The following BTNL8 variants were observed in gnomAD, a reference collection of about 807,000 sequenced individuals.
The protein encoded by BTNL8 is butyrophilin like 8.
In BTNL8, 22 loss-of-function variants were observed where a neutral mutation model predicts 36.1. The observed-to-expected ratio is 0.61, with a 90% confidence interval of 0.44 to 0.87. BTNL8 has a LOEUF of 0.87. BTNL8 is among the 40% of genes least tolerant of loss of function. BTNL8 has a pLI of 0.00. For synonymous variants in BTNL8, 203 were observed against 235.6 expected (o/e 0.86, Z 1.27); for missense variants, 526 against 616.9 (o/e 0.85, Z 1.56).
intron 1 of BTNL8, 109 bp downstream of exon 1, chr5:180,899,468 G>C (rs1206913692): frequency 1.6e-6 from 2 of 1,246,590 alleles, no homozygotes; most frequent in Non-Finnish European, 2.3e-6. Flanking sequence ...CATTCCTTTG[G>C]CTTCTCCTAG....
chr5:180,932,778 A>G (rs1038488309), intron 3 of BTNL8, among the ~76,000 whole-genome samples: 2 of 152,176 alleles, frequency 1.3e-5, no homozygotes, highest in African/African-American at 4.8e-5. Context: ...TTAAAAATAA[A>G]AGATCTACAA....
intron 3 of BTNL8, among the ~76,000 whole-genome samples, chr5:180,941,412 T>C (rs1245972255): frequency 2.0e-5 from 3 of 152,130 alleles, no homozygotes; most frequent in African/African-American, 7.2e-5. Context: ...TTACAAAAAG[T>C]TGAAGGGGTG....
chr5:180,931,441 A>G (rs1220892071), intron 3 of BTNL8, among the ~76,000 whole-genome samples: 1 of 152,234 alleles, frequency 6.6e-6, no homozygotes, highest in Non-Finnish European at 1.5e-5. Flanking sequence ...AGGGCAACAA[A>G]AGCCAAAATT....
chr5:180,899,514 A>G (rs1447998025), intron 1 of BTNL8, among the ~76,000 whole-genome samples, 155 bp downstream of exon 1: 1 of 152,226 alleles, frequency 6.6e-6, no homozygotes, highest in African/African-American at 2.4e-5. Context: ...CTGTGGAAAC[A>G]ATTATAGTAG....
At chr5:180,907,795 G>A (rs979891433) in intron 1 of BTNL8, among the ~76,000 whole-genome samples, 3 of 151,788 alleles carry the variant, frequency 2.0e-5, no homozygotes, top group Non-Finnish European at 2.9e-5. Context: ...GTGTCAGTGT[G>A]CCCCTGCTGG....
intron 1 of BTNL8, among the ~76,000 whole-genome samples, chr5:180,907,873 A>G (rs1483245802): frequency 0.37 from 54,497 of 146,500 alleles, 11,328 homozygotes; most frequent in African/African-American, 0.59. Flanking sequence ...GCAGTCTGCC[A>G]GTTCTCAGAT....
chr5:180,915,950 C>T (rs1297413889), intron 3 of BTNL8, among the ~76,000 whole-genome samples: 1 of 152,160 alleles, frequency 6.6e-6, no homozygotes, highest in African/African-American at 2.4e-5. Flanking sequence ...TTGTCTTAGT[C>T]CACTTTATGC....
intron 4 of BTNL8, 113 bp downstream of exon 4, chr5:180,947,738 G>T: frequency 6.2e-7 from 1 of 1,614,096 alleles, no homozygotes; most frequent in Non-Finnish European, 8.5e-7. Flanking sequence ...TAGCCTCCAG[G>T]GGCCCAGGCC....
rs191042095 is a variant in BTNL8 at position 180,926,415 on chromosome 5, A to G, written c.673+14801A>G. On this transcript the variant is annotated intron_variant, in intron 3 of 7. Coordinates refer to ENST00000340184, the MANE Select transcript of BTNL8 (RefSeq NM_001040462.3). ...CTGGGTGGCCGTTTGGGCAGACACCAAGCTAGCTGCAGGAGATTTTCATAC... is the reference window on the plus strand; with the variant it reads ...CTGGGTGGCCGTTTGGGCAGACACCGAGCTAGCTGCAGGAGATTTTCATAC... Among the ~76,000 whole-genome samples, 380 of 152,278 alleles carry G rather than the reference A, an allele frequency of 2.5e-3. 2 individuals carry two copies. The highest frequency in any genetic ancestry group is 8.9e-3 in the African/African-American group (368 of 41,570).
chr5:180,946,205 C>A (rs142033893), intron 3 of BTNL8, among the ~76,000 whole-genome samples: 4,683 of 152,048 alleles, frequency 0.031, 251 homozygotes, highest in African/African-American at 0.11. Context: ...ATTAGTATGG[C>A]AATTATGGAA....
At chr5:180,940,673 A>G (rs908433278) in intron 3 of BTNL8, among the ~76,000 whole-genome samples, 15 of 152,164 alleles carry the variant, frequency 9.9e-5, no homozygotes, top group African/African-American at 3.4e-4. Flanking sequence ...TATGAAAAAA[A>G]GAGAGAAGAT....
chr5:180,908,861 G>A lies in BTNL8; in HGVS notation c.325G>A (p.Ala109Thr), dbSNP rs1382015811. Residue 109 changes from alanine to threonine, a missense_variant, in exon 2 of 8, where the codon GCT (alanine) becomes ACT (threonine). Around this residue, in one of 2 missense-constraint regions of BTNL8, gnomAD observed 350 missense variants for 324.6 expected, o/e 1.08. Transcript: ENST00000340184. ...GCTGGAAAACATTACTGTGTTGGAT[G>A]CTGGCCTCTATGGGTGCAGGATTAG... ...LRLENITVLDAGLYGCRISSQ... is the reference protein window; with the variant it reads ...LRLENITVLDTGLYGCRISSQ... 1 of 1,614,204 alleles carries A rather than the reference G, an allele frequency of 6.2e-7. No homozygotes were observed. The highest frequency in any genetic ancestry group is 2.2e-5 in the East Asian group (1 of 44,886).
chr5:180,944,902 C>T (rs967590992), intron 3 of BTNL8, among the ~76,000 whole-genome samples: 1 of 152,158 alleles, frequency 6.6e-6, no homozygotes, highest in Non-Finnish European at 1.5e-5. Context: ...CTACCCAAAG[C>T]TATTTACAGA....
intron 3 of BTNL8, among the ~76,000 whole-genome samples, chr5:180,941,240 TAG>T (rs1410355638): frequency 2.6e-5 from 4 of 151,974 alleles, no homozygotes; most frequent in Non-Finnish European, 5.9e-5. Flanking sequence ...CATACTAAAA[TAG>T]AGTCAGGAAA....
intron 3 of BTNL8, among the ~76,000 whole-genome samples, chr5:180,918,546 G>A (rs576933700): frequency 1.1e-4 from 17 of 152,272 alleles, no homozygotes; most frequent in African/African-American, 3.9e-4. Context: ...AACAAAAAGA[G>A]TCAAACTCTA....
At chr5:180,938,860 A>G (rs1207074948) in intron 3 of BTNL8, among the ~76,000 whole-genome samples, 1 of 152,192 alleles carries the variant, frequency 6.6e-6, no homozygotes, top group East Asian at 1.9e-4. Context: ...ATGGCCAGCA[A>G]AGATATTCTT....
chr5:180,938,535 C>CCTTT (rs200066681), intron 3 of BTNL8, among the ~76,000 whole-genome samples: 1 of 146,348 alleles, frequency 6.8e-6, no homozygotes, highest in Admixed American at 6.7e-5. Context: ...TTCCTTCCTT[C>CCTTT]CTTTCTTTCT....
At chr5:180,941,917 T>TTTTTTTTTTTGAGACGGAGTCTCG (rs1430901477) in intron 3 of BTNL8, among the ~76,000 whole-genome samples, 1 of 151,258 alleles carries the variant, frequency 6.6e-6, no homozygotes, top group African/African-American at 2.4e-5. Flanking sequence ...CTACTCTTAT[T>TTTTTTTTTTTGAGACGGAGTCTCG]CAACAAAGTA....
intron 3 of BTNL8, among the ~76,000 whole-genome samples, chr5:180,940,242 G>A (rs1379263294): frequency 6.6e-6 from 1 of 151,912 alleles, no homozygotes; most frequent in Non-Finnish European, 1.5e-5. Flanking sequence ...GGGAGGCTGA[G>A]GCAGGAGAAT....
Sources: gnomAD v4.1 joint callset for allele counts (sites outside exome capture counted in the v4.1 genomes callset) on GRCh38, gnomAD v4.1.1 for gene constraint, gnomAD v4.1.1 regional missense constraint, MANE v1.5 for transcripts, NCBI Gene and HGNC (gene_info 2026-07-23, HGNC 2026-07-21) for gene names.